Variants in DPP6 observed in about 807,000 individuals in gnomAD.
DPP6 encodes the protein dipeptidyl peptidase like 6, also known as A-type potassium channel modulatory protein DPP6.
Under a neutral mutation model 122.6 loss-of-function variants are expected in DPP6, and 69 were observed. The observed-to-expected ratio is 0.56, with a 90% confidence interval of 0.46 to 0.69. The LOEUF is 0.69. Among genes scored for constraint, DPP6 ranks in the 30% least tolerant of loss-of-function variants. DPP6 has a pLI of 0.00. For synonymous variants in DPP6, 418 were observed against 433.1 expected (o/e 0.97, Z 0.43); for missense variants, 928 against 1,116.9 (o/e 0.83, Z 2.41).
At chr7:154,628,752 C>T (rs979451209) in intron 5 of DPP6, among the ~76,000 whole-genome samples, 44 of 152,136 alleles carry the variant, frequency 2.9e-4, no homozygotes, top group Non-Finnish European at 3.7e-4. Flanking sequence ...TTCCACAAAG[C>T]GAGTCCCCAG....
At chr7:153,887,676 G>C (rs376727848) in exon 1 of DPP6, 3 of 1,613,872 alleles carry the variant, frequency 1.9e-6, no homozygotes, top group South Asian at 1.1e-5. Flanking sequence ...GTTCGGACTT[G>C]GGGCAAAATG....
intron 1 of DPP6, among the ~76,000 whole-genome samples, chr7:154,010,319 G>T (rs1005913545): frequency 6.6e-6 from 1 of 152,210 alleles, no homozygotes; most frequent in Non-Finnish European, 1.5e-5. Flanking sequence ...GCATCTTATA[G>T]ACACATACAA....
Position 154,287,484 on chromosome 7 carries a change from A to T in DPP6, c.244-158730A>T, listed in dbSNP as rs1453342200. ...TGCTTTAGGTAAATGTCAGCTTGTT[A>T]TGCTGCTGGACAGATCCCACGTGGG... On this transcript the variant is annotated intron_variant, in intron 1 of 25. Transcript: ENST00000377770. 2.6e-5 allele frequency among the ~76,000 whole-genome samples: 4 copies of T among 152,330 alleles called. No individual in the cohort carries two copies. The East Asian group carries it at 7.7e-4, about 29-fold the overall frequency.
the DPP6 span, among the ~76,000 whole-genome samples, chr7:153,863,628 A>G: frequency 2.8e-4 from 43 of 152,280 alleles, 1 homozygote; most frequent in South Asian, 7.5e-3. Flanking sequence ...TTTTTTTAGT[A>G]TGCTTACAGA....
Position 154,755,565 on chromosome 7 carries a change from C to A in DPP6, c.884-13852C>A, listed in dbSNP as rs1043279722. Among the ~76,000 whole-genome samples, 78 of 152,270 alleles carry A rather than the reference C, an allele frequency of 5.1e-4. No homozygotes were observed. Among genetic ancestry groups the A allele is most frequent in the African/African-American group, 1.3e-3 (55 of 41,546 alleles). On this transcript the variant is annotated intron_variant, in intron 8 of 25. Transcript: ENST00000377770. This position sits in a 1 kb window ranked among gnomAD's most constrained non-coding sequence, Gnocchi z 4.7. ...GCGTTGAGGATTAAATGAGTTAACC[C>A]ATCTACGCAGTTAGAGCCGGCTTGG...
intron 1 of DPP6, among the ~76,000 whole-genome samples, chr7:154,033,212 G>A (rs1799348319): frequency 1.3e-5 from 2 of 152,228 alleles, no homozygotes; most frequent in South Asian, 4.1e-4. Context: ...GTTTTACTGT[G>A]TTGTGTGCTG....
intron 1 of DPP6, among the ~76,000 whole-genome samples, chr7:153,948,047 C>T (rs1802029126): frequency 6.6e-6 from 1 of 152,158 alleles, no homozygotes; most frequent in South Asian, 2.1e-4. Flanking sequence ...TACCGGTGAC[C>T]TCATGGTAAC....
At chr7:154,313,393 A>C (rs142502126) in intron 1 of DPP6, among the ~76,000 whole-genome samples, 7 of 152,186 alleles carry the variant, frequency 4.6e-5, no homozygotes, top group African/African-American at 1.7e-4. Flanking sequence ...TTTTGAAAGC[A>C]TACAATGGAA....
chr7:154,215,987 G>C lies in DPP6; in HGVS notation c.243+162924G>C, dbSNP rs75867268. On this transcript the variant is annotated intron_variant, in intron 1 of 25. Coordinates refer to ENST00000377770, the MANE Select transcript of DPP6 (RefSeq NM_130797.4). ...CTTCTAAAAGGCTGCAGAGAGGGCA[G>C]TCGTGGGCCCAGTGAACAGCTGCAT... Among the ~76,000 whole-genome samples the C allele has an allele frequency of 2.9e-3, 439 of 152,158 alleles. 3 individuals carry two copies. The highest frequency in any genetic ancestry group is 0.01 in the African/African-American group (420 of 41,542).
intron 1 of DPP6, among the ~76,000 whole-genome samples, chr7:154,073,693 C>T (rs2150513438): frequency 6.6e-6 from 1 of 152,346 alleles, no homozygotes; most frequent in Admixed American, 6.5e-5. Context: ...TCCCCACATC[C>T]ATTAGTTTTA....
At chr7:153,803,406 C>A in the DPP6 span, among the ~76,000 whole-genome samples, 1 of 151,014 alleles carries the variant, frequency 6.6e-6, no homozygotes, top group East Asian at 2.0e-4. Flanking sequence ...TCCATGGAGG[C>A]GGACTCAAAT....
chr7:153,807,019 G>A, the DPP6 span, among the ~76,000 whole-genome samples: 5 of 151,954 alleles, frequency 3.3e-5, no homozygotes, highest in East Asian at 7.7e-4. Context: ...TTATCGAATT[G>A]CAGAATCCTT....
intron 1 of DPP6, among the ~76,000 whole-genome samples, chr7:153,988,064 C>G (rs1286177888): frequency 3.3e-5 from 5 of 152,202 alleles, no homozygotes; most frequent in African/African-American, 1.2e-4. Flanking sequence ...CAACTGCTCT[C>G]TAATTACCCT....
intron 16 of DPP6, among the ~76,000 whole-genome samples, chr7:154,852,208 G>A (rs1584894280): frequency 6.6e-6 from 1 of 152,168 alleles, no homozygotes; most frequent in Non-Finnish European, 1.5e-5. Context: ...TCAGAAGCGT[G>A]TGGGGAGTTT....
intron 1 of DPP6, among the ~76,000 whole-genome samples, chr7:153,973,554 C>T (rs186829312): frequency 6.6e-6 from 1 of 152,028 alleles, no homozygotes; most frequent in African/African-American, 2.4e-5. Context: ...ATGAATCCAT[C>T]TCTAGTCCTG....
At chr7:153,829,885 A>C in the DPP6 span, among the ~76,000 whole-genome samples, 1 of 152,170 alleles carries the variant, frequency 6.6e-6, no homozygotes, top group African/African-American at 2.4e-5. Context: ...ACCCCTTCTT[A>C]TAACTGCAAG....
At chr7:154,782,771 TTC>T (rs1797106517) in intron 10 of DPP6, among the ~76,000 whole-genome samples, 1 of 151,992 alleles carries the variant, frequency 6.6e-6, no homozygotes, top group African/African-American at 2.4e-5. Flanking sequence ...GAGTTTGCAT[TTC>T]TTTTTCTTTT....
At chr7:154,280,895 A>G (rs1804459072) in intron 1 of DPP6, among the ~76,000 whole-genome samples, 1 of 152,194 alleles carries the variant, frequency 6.6e-6, no homozygotes, top group Admixed American at 6.5e-5. Flanking sequence ...ACGTGAGGAC[A>G]CTGTGGTAGG....
chr7:154,463,266 G>A (rs1821468958), intron 2 of DPP6, among the ~76,000 whole-genome samples: 1 of 137,074 alleles, frequency 7.3e-6, no homozygotes, highest in Non-Finnish European at 1.5e-5. Flanking sequence ...GGAGTGCAGT[G>A]GCACGATCTC....
Sources: gnomAD v4.1 joint callset for allele counts (sites outside exome capture counted in the v4.1 genomes callset) on GRCh38, gnomAD v4.1.1 for gene constraint, Gnocchi (gnomAD v3.1) non-coding constraint, MANE v1.5 for transcripts, NCBI Gene and HGNC (gene_info 2026-07-23, HGNC 2026-07-21) for gene names.